Variants in ZNF804A observed in about 807,000 individuals in gnomAD.
ZNF804A encodes the protein zinc finger protein 804A.
Under a neutral mutation model 16.5 loss-of-function variants are expected in ZNF804A, and 2 were observed. That is an observed-to-expected ratio of 0.12 (90% CI 0.05 to 0.38). The LOEUF (loss-of-function observed/expected upper bound fraction) is 0.38, where lower values mean the gene tolerates loss of function less well. Ranked by LOEUF, ZNF804A falls within the 10% of genes least tolerant of loss-of-function variation. The pLI, the probability that ZNF804A is intolerant of heterozygous loss-of-function variation, is 0.99. For synonymous variants in ZNF804A, 534 were observed against 489.6 expected, an observed-to-expected ratio of 1.09 and a Z score of -1.20; for missense variants, 1,473 against 1,390.7, an observed-to-expected ratio of 1.06 and a Z score of -0.94.
chr2:184,808,131 T>G (rs532831284), intron 1 of ZNF804A, among the ~76,000 whole-genome samples: 27 of 151,796 alleles, frequency 1.8e-4, no homozygotes, highest in Non-Finnish European at 3.0e-4. Flanking sequence ...AGTATAGAAT[T>G]CTATACTTTT....
intron 1 of ZNF804A, among the ~76,000 whole-genome samples, chr2:184,758,368 T>C (rs546295435): frequency 1.5e-5 from 2 of 129,412 alleles, no homozygotes; most frequent in Non-Finnish European, 3.1e-5. Flanking sequence ...ACACTGATTA[T>C]TTACAAGTCA....
intron 1 of ZNF804A, among the ~76,000 whole-genome samples, chr2:184,686,971 T>A (rs1204816362): frequency 6.6e-6 from 1 of 152,220 alleles, no homozygotes; most frequent in East Asian, 1.9e-4. Context: ...TTTCTCTGAT[T>A]CAGTAGGTTG....
At position 184,936,307 on chromosome 2, in the gene ZNF804A, A is replaced by G. The variant is rs1484419683; in HGVS notation, c.911A>G (p.Asp304Gly). 11 of 1,613,802 alleles carry G rather than the reference A, an allele frequency of 6.8e-6. No homozygotes were observed. Among genetic ancestry groups the G allele is most frequent in the Non-Finnish European group, 9.3e-6 (11 of 1,179,846 alleles). Residue 304 changes from aspartate to glycine, a missense_variant, in exon 4 of 4, where the codon GAT (aspartate) becomes GGT (glycine). Coordinates refer to ENST00000302277, the MANE Select transcript of ZNF804A (RefSeq NM_194250.2). ...QEIKEVSSEK[D>G]ALLLPSFCKF... is the part of the protein sequence containing the mutation. ...ATAAAAGAAGTCTCTAGTGAAAAAG[A>G]TGCATTATTATTACCTTCATTTTGC...
chr2:184,786,592 G>C (rs1023118378), intron 1 of ZNF804A, among the ~76,000 whole-genome samples: 1 of 151,948 alleles, frequency 6.6e-6, no homozygotes, highest in Non-Finnish European at 1.5e-5. Context: ...ATTAATGGAA[G>C]TCCCAGGTCA....
At chr2:184,835,880 C>T (rs17509517) in intron 1 of ZNF804A, among the ~76,000 whole-genome samples, 1 of 151,932 alleles carries the variant, frequency 6.6e-6, no homozygotes, top group Non-Finnish European at 1.5e-5. Flanking sequence ...GGAAAGAGAC[C>T]TTGACTTCAG....
chr2:184,872,666 TAG>T (rs1695994343), intron 2 of ZNF804A, among the ~76,000 whole-genome samples: 1 of 152,274 alleles, frequency 6.6e-6, no homozygotes, highest in East Asian at 1.9e-4. Flanking sequence ...GACATAATCA[TAG>T]AGACACCAAT....
intron 1 of ZNF804A, among the ~76,000 whole-genome samples, chr2:184,779,247 T>C (rs1272792838): frequency 6.6e-6 from 1 of 151,758 alleles, no homozygotes; most frequent in African/African-American, 2.4e-5. Context: ...TGGGTTGGCC[T>C]CTCATCTGTG....
At chr2:184,889,920 A>C (rs1334988760) in intron 2 of ZNF804A, among the ~76,000 whole-genome samples, 4 of 152,016 alleles carry the variant, frequency 2.6e-5, no homozygotes, top group Non-Finnish European at 4.4e-5. Context: ...TTATTCCCCC[A>C]TTTTCACACC....
At chr2:184,861,388 T>G (rs1317180366) in intron 1 of ZNF804A, among the ~76,000 whole-genome samples, 3 of 152,178 alleles carry the variant, frequency 2.0e-5, no homozygotes, top group African/African-American at 7.2e-5. Flanking sequence ...TATTTTTGTG[T>G]GTGAATAGTT....
rs549876245 is a variant in ZNF804A, at chr2:184,759,980, AG to A, written c.112-106388del. On this transcript the variant is annotated intron_variant, in intron 1 of 3. Transcript: ENST00000302277. ...ATAAACAGCCTTGTTGCTCACACAA[AG>A]CCTGTTTGGTGGTCTCTTCATAGGG... Among the ~76,000 whole-genome samples the A allele has an allele frequency of 8.5e-5, 13 of 152,202 alleles. No individual in the cohort carries two copies. In the South Asian group the frequency reaches 2.7e-3, roughly 32 times the overall value.
At chr2:184,820,245 A>G (rs1431868525) in intron 1 of ZNF804A, among the ~76,000 whole-genome samples, 19 of 152,150 alleles carry the variant, frequency 1.2e-4, no homozygotes, top group Admixed American at 1.2e-3. Flanking sequence ...CATCCCTGGG[A>G]TACAAGGTTG....
intron 1 of ZNF804A, among the ~76,000 whole-genome samples, chr2:184,762,670 G>A (rs1441255432): frequency 2.0e-5 from 3 of 151,780 alleles, no homozygotes; most frequent in African/African-American, 7.3e-5. Flanking sequence ...GTAAAATTTG[G>A]GGACTATTTA....
chr2:184,797,524 G>A (rs184000539), intron 1 of ZNF804A, among the ~76,000 whole-genome samples: 4 of 152,182 alleles, frequency 2.6e-5, no homozygotes, highest in Admixed American at 2.6e-4. Context: ...CTGTGTGTTA[G>A]GTGAGTCCCC....
At chr2:184,613,897 C>T (rs1160457389) in intron 1 of ZNF804A, among the ~76,000 whole-genome samples, 5 of 152,166 alleles carry the variant, frequency 3.3e-5, no homozygotes, top group African/African-American at 1.2e-4. Context: ...CCCCATCAAG[C>T]TACCATTGAC....
chr2:184,790,315 T>A (rs1694516283), intron 1 of ZNF804A, among the ~76,000 whole-genome samples: 1 of 151,920 alleles, frequency 6.6e-6, no homozygotes, highest in Non-Finnish European at 1.5e-5. Context: ...TAATGTATAT[T>A]TTGTAATTGT....
chr2:184,866,405 C>A lies in ZNF804A; in HGVS notation c.148C>A (p.Leu50Met). The A allele has an allele frequency of 1.9e-6, 3 of 1,613,108 alleles. No homozygotes were observed. The highest frequency in any genetic ancestry group is 2.5e-6 in the Non-Finnish European group (3 of 1,179,494). The stretch of plus-strand genomic sequence containing the variant: ...GAAGGAAAATACCATAGCAAAAGCT[C>A]TGGAAGATCTGAAGGCAAATTTTTA... The part of the protein sequence containing the change: ...AEKENTIAKA[L>M]EDLKANFYCE... The change falls in exon 2 of 4, where the codon CTG becomes ATG. Residue 50 changes from leucine (L) to methionine (M), a missense_variant. Leu to Met is a conservative substitution (Grantham distance 15). Transcript: ENST00000302277.
At chr2:184,731,310 CTG>C (rs1413864584) in intron 1 of ZNF804A, among the ~76,000 whole-genome samples, 2 of 103,832 alleles carry the variant, frequency 1.9e-5, no homozygotes, top group African/African-American at 7.1e-5. Context: ...AACTGCTAAA[CTG>C]TGTTCCAAAG....
intron 2 of ZNF804A, among the ~76,000 whole-genome samples, chr2:184,916,094 G>T (rs1685445478): frequency 6.6e-6 from 1 of 152,066 alleles, no homozygotes. Flanking sequence ...TTCTTTCATG[G>T]TATTACTTCT....
chr2:184,657,102 AGTTT>A (rs1468337553), intron 1 of ZNF804A, among the ~76,000 whole-genome samples: 1 of 152,126 alleles, frequency 6.6e-6, no homozygotes, highest in Admixed American at 6.5e-5. Flanking sequence ...AATTCTTTTT[AGTTT>A]GTTTGTCATG....
Sources: allele counts gnomAD v4.1 joint callset (sites outside exome capture counted in the v4.1 genomes callset), GRCh38; gene constraint gnomAD v4.1.1; transcripts MANE v1.5; gene names NCBI Gene and HGNC (gene_info 2026-07-23, HGNC 2026-07-21).